The following GPATCH1 variants were observed in gnomAD, a reference collection of about 807,000 sequenced individuals.
GPATCH1 encodes G-patch domain containing 1.
Under a neutral mutation model 114.9 loss-of-function variants are expected in GPATCH1, and 73 were observed. The observed-to-expected ratio is 0.64, with a 90% CI of 0.53 to 0.77. GPATCH1 has a LOEUF of 0.77. Ranked by LOEUF, GPATCH1 falls within the 30% of genes least tolerant of loss-of-function variation. The pLI, the probability that GPATCH1 is intolerant of heterozygous loss-of-function variation, is 0.00. For synonymous variants in GPATCH1, 391 were observed against 428.4 expected (o/e 0.91, Z 1.08); for missense variants, 1,058 against 1,144.3 (o/e 0.92, Z 1.09).
At chr19:33,102,195 G>T (rs961952570) in intron 9 of GPATCH1, among the ~76,000 whole-genome samples, 1 of 151,650 alleles carries the variant, frequency 6.6e-6, no homozygotes, top group African/African-American at 2.4e-5. Context: ...TTAGCTAGGT[G>T]TGGTGGTGGG....
In GPATCH1 at chr19:33,095,773, A is replaced by C. The variant is rs1972650614; in HGVS notation, c.565A>C (p.Lys189Gln). 1.9e-6 allele frequency: 3 copies of C among 1,610,582 alleles called. No individual in the cohort carries two copies. The highest frequency in any genetic ancestry group is 2.7e-5 in the African/African-American group (2 of 74,910). The change falls in exon 6 of 20, where the codon AAA (lysine) becomes CAA (glutamine). Residue 189 changes from lysine to glutamine, a missense_variant. By Grantham distance (53) the Lys-to-Gln change is moderately conservative (BLOSUM62 1). Transcript: ENST00000170564. Reference sequence around the variant, plus strand: ...AATCTCTTTTCTAGATCCTGGAGTCAAAATCTATGGCTGTGCATTACCCCC... The same window carrying C: ...AATCTCTTTTCTAGATCCTGGAGTCCAAATCTATGGCTGTGCATTACCCCC... Reference protein sequence around the residue: ...PRRQKPDPGVKIYGCALPPGS... With the variant: ...PRRQKPDPGVQIYGCALPPGS...
chr19:33,129,900 C>T (rs1973083121), intron 19 of GPATCH1, among the ~76,000 whole-genome samples: 2 of 149,728 alleles, frequency 1.3e-5, no homozygotes, highest in Non-Finnish European at 2.9e-5. Flanking sequence ...GCTGAGATCG[C>T]ACCACTGCGC....
chr19:33,098,469 A>G (rs2145313851), intron 8 of GPATCH1, among the ~76,000 whole-genome samples: 1 of 152,322 alleles, frequency 6.6e-6, no homozygotes, highest in Admixed American at 6.5e-5. Flanking sequence ...TGTGGTTTGA[A>G]GTCACATTTC....
chr19:33,111,405 A>AAG (rs1568346580), intron 11 of GPATCH1, among the ~76,000 whole-genome samples: 2 of 144,070 alleles, frequency 1.4e-5, no homozygotes, highest in African/African-American at 2.6e-5. Context: ...AAAAAAAAAA[A>AAG]AGAGAGATGG....
Position 33,090,700 on chromosome 19 carries a change from C to T in GPATCH1, c.209-80C>T, listed in dbSNP as rs548064763. 492 of 820,666 alleles carry T rather than the reference C, an allele frequency of 6.0e-4. 1 individual carries two copies. The highest frequency in any genetic ancestry group is 9.0e-4 in the Non-Finnish European group (429 of 477,888). 50.8% of individuals were successfully genotyped at this position (820,666 alleles called of 1,614,324 possible). On this transcript the variant is annotated intron_variant, in intron 2 of 19. Transcript: ENST00000170564. ...TTTATAGTTATTGGGAATTTCAAGT[C>T]CATACATGTTATTTAATCATTTACT...
intron 9 of GPATCH1, among the ~76,000 whole-genome samples, chr19:33,102,014 T>A: frequency 8.3e-6 from 1 of 120,518 alleles, no homozygotes; most frequent in Non-Finnish European, 1.7e-5. Context: ...GGACAACACG[T>A]AAAACTCTGT....
chr19:33,124,990 GT>G (rs1973023880), intron 17 of GPATCH1, 114 bp from the exon 18 acceptor site: 7 of 1,047,604 alleles, frequency 6.7e-6, no homozygotes, highest in African/African-American at 4.8e-5. Context: ...TTCTTCCTCA[GT>G]GTTAAACATT....
chr19:33,113,991 T>TAAC, intron 14 of GPATCH1, 88 bp downstream of exon 14: 1 of 1,205,544 alleles, frequency 8.3e-7, no homozygotes, highest in Admixed American at 2.2e-5. Context: ...AGTTTAGTCC[T>TAAC]AACAATGTGA....
Position 33,110,068 on chromosome 19 carries a change from C to T in GPATCH1, c.1585+52C>T, listed in dbSNP as rs1398545512. On this transcript the variant is annotated intron_variant, in intron 11 of 19. Transcript: ENST00000170564. Reference sequence around the variant, plus strand: ...ATCTCGGCCCGGGCGGGGTCATATTCTCACTGTTCTCATCCTAGACCCATA... The same window carrying T: ...ATCTCGGCCCGGGCGGGGTCATATTTTCACTGTTCTCATCCTAGACCCATA... The T allele has an allele frequency of 2.1e-6, 3 of 1,429,406 alleles. No homozygotes were observed. The Admixed American group carries it at 5.8e-5, about 28-fold the overall frequency. 88.5% of individuals were successfully genotyped at this position (1,429,406 alleles called of 1,614,324 possible).
At position 33,093,298 on chromosome 19, in the gene GPATCH1, T is replaced by C. The variant is rs563464198; in HGVS notation, c.295-61T>C. On this transcript the variant is annotated intron_variant, in intron 3 of 19. Transcript: ENST00000170564. ...TTTTTTTTTAACAGAAATAAAACTA[T>C]GTGATGTATTGTGTATAGTCACTTT... The C allele has an allele frequency of 4.1e-5, 44 of 1,063,692 alleles. No individual in the cohort carries two copies. In the South Asian group the frequency reaches 5.4e-4, roughly 13 times the overall value. 65.9% of individuals were successfully genotyped at this position (1,063,692 alleles called of 1,614,324 possible).
intron 18 of GPATCH1, among the ~76,000 whole-genome samples, chr19:33,125,403 C>CT (rs761807532): frequency 0.043 from 6,192 of 144,912 alleles, 210 homozygotes; most frequent in East Asian, 0.19. Context: ...CGCCCCCCCG[C>CT]TTTTTTTTTT....
At chr19:33,089,713 T>C (rs1436296924) in intron 2 of GPATCH1, among the ~76,000 whole-genome samples, 1 of 149,128 alleles carries the variant, frequency 6.7e-6, no homozygotes, top group Non-Finnish European at 1.5e-5. Flanking sequence ...CTCCGCCTCC[T>C]GGGTTCAAGC....
chr19:33,130,225 C>A lies in GPATCH1; in HGVS notation c.*65C>A, dbSNP rs1252216873. 2 of 1,099,034 alleles carry A rather than the reference C, an allele frequency of 1.8e-6. No homozygotes were observed. The highest frequency in any genetic ancestry group is 3.1e-5 in the African/African-American group (2 of 65,142). The allele number at this position is 1,099,034 out of a possible 1,614,324, so 68.1% of individuals were successfully genotyped here. A position where few individuals can be genotyped will look rare whatever the true frequency, so the allele number is the denominator to read the frequency against. On this transcript the variant is annotated 3_prime_UTR_variant, in exon 20 of 20. Coordinates refer to ENST00000170564, the MANE Select transcript of GPATCH1 (RefSeq NM_018025.3). ...CCATGATGGAAGCCCAGTGATTGTT[C>A]AGTTAACGCATTGTACAGAGTGTAT...
At chr19:33,117,252 T>G (rs1972926548) in intron 15 of GPATCH1, among the ~76,000 whole-genome samples, 1 of 152,192 alleles carries the variant, frequency 6.6e-6, no homozygotes, top group Admixed American at 6.6e-5. Context: ...ATTTTTCTCC[T>G]AGCTGCTTTC....
In GPATCH1 at chr19:33,117,998, C is replaced by T. The variant is rs551004739; in HGVS notation, c.2370C>T (p.Ser790=). 9.3e-6 allele frequency: 15 copies of T among 1,613,828 alleles called. No homozygotes were observed. In the Admixed American group the frequency reaches 1.3e-4, roughly 14 times the overall value. ...QAGSGEANFQ[S]SQDTDLGETS... ...GCTCTGGGGAGGCCAACTTCCAAAGCTCCCAAGACACTGACTTGGGGGAAA... is the reference window on the plus strand; with the variant it reads ...GCTCTGGGGAGGCCAACTTCCAAAGTTCCCAAGACACTGACTTGGGGGAAA... The change falls in exon 16 of 20, where the codon AGC becomes AGT. Residue 790 remains serine, a synonymous_variant. Coordinates refer to ENST00000170564, the MANE Select transcript of GPATCH1 (RefSeq NM_018025.3).
At chr19:33,106,659 G>A in intron 9 of GPATCH1, 36 bp from the exon 10 acceptor site, 1 of 1,516,560 alleles carries the variant, frequency 6.6e-7, no homozygotes, top group Non-Finnish European at 9.1e-7. Flanking sequence ...TGATCTTGCA[G>A]CCTGTATTTT....
chr19:33,084,345 C>T (rs1972512413), intron 1 of GPATCH1, among the ~76,000 whole-genome samples: 1 of 152,124 alleles, frequency 6.6e-6, no homozygotes, highest in African/African-American at 2.4e-5. Context: ...ACACATAGGC[C>T]TTCTAATCTG....
chr19:33,121,717 C>T (rs1230380610), intron 17 of GPATCH1, among the ~76,000 whole-genome samples: 6 of 152,198 alleles, frequency 3.9e-5, no homozygotes. Flanking sequence ...CCCCAAATAT[C>T]TGTCAACAAC....
At chr19:33,106,972 T>G in intron 10 of GPATCH1, 73 bp downstream of exon 10, 2 of 1,252,904 alleles carry the variant, frequency 1.6e-6, no homozygotes, top group Non-Finnish European at 1.1e-6. Context: ...AAAGTTGTTG[T>G]TTTCCCACTG....
Sources: allele counts gnomAD v4.1 joint callset (sites outside exome capture counted in the v4.1 genomes callset), GRCh38; gene constraint gnomAD v4.1.1; transcripts MANE v1.5; gene names NCBI Gene and HGNC (gene_info 2026-07-23, HGNC 2026-07-21).